OR2K2: variants seen among roughly 807,000 people sequenced by gnomAD.
OR2K2 encodes the protein olfactory receptor 2K2.
Under a neutral mutation model 11.1 loss-of-function variants are expected in OR2K2, and 7 were observed. The ratio of observed to expected loss-of-function variants is 0.63; its 90% CI spans 0.36 to 1.19. OR2K2 has a LOEUF of 1.19. Ranked by LOEUF, OR2K2 falls within the 50% of genes most tolerant of loss-of-function variation. The pLI, the probability that OR2K2 is intolerant of heterozygous loss-of-function variation, is 0.02. For synonymous variants in OR2K2, 152 were observed against 150.8 expected (o/e 1.01, Z -0.06); for missense variants, 391 against 383.4 (o/e 1.02, Z -0.17).
rs187513249 is a variant in OR2K2, at chr9:111,327,807, T to G, written c.627A>C (p.Pro209=). 9.5e-5 allele frequency: 153 copies of G among 1,614,122 alleles called. No individual in the cohort carries two copies. In the East Asian group the frequency reaches 1.1e-3, roughly 12 times the overall value. ...LVVSILLLPI[P]MLLVCISYIF... is the part of the protein sequence containing the mutation. ...TGTAAGAGATGCAAACTAAGAGCAT[T>G]GGAATTGGCAAGAGGAGAATGCTGA... is the stretch of plus-strand genomic sequence containing the variant. The change falls in exon 2 of 2, where the codon CCA becomes CCC. Residue 209 remains proline, a synonymous_variant. Transcript: ENST00000302681.
In OR2K2 at chr9:111,327,764, T is replaced by C. The variant is rs2098101653; in HGVS notation, c.670A>G (p.Ile224Val). 3 of 1,614,090 alleles carry C rather than the reference T, an allele frequency of 1.9e-6. No homozygotes were observed. The highest frequency in any genetic ancestry group is 2.5e-6 in the Non-Finnish European group (3 of 1,180,012). The change falls in exon 2 of 2, where the codon ATT becomes GTT. Residue 224 changes from isoleucine to valine, a missense_variant. Physicochemically the swap from Ile to Val is conservative, Grantham distance 29 (BLOSUM62 3). Transcript: ENST00000302681. ...CISYIFILST[I>V]LRITSAEGRN... ...CCCTCTGCTGAGGTGATTCTCAGAA[T>C]AGTGGAAAGGATGAAGATGTAAGAG...
At position 111,327,449 on chromosome 9, in the gene OR2K2, G is replaced by A; in HGVS notation, c.*34C>T. 7.1e-7 allele frequency: 1 copy of A among 1,405,726 alleles called. No homozygotes were observed. The highest frequency in any genetic ancestry group is 9.8e-7 in the Non-Finnish European group (1 of 1,020,106). The allele number at this position is 1,405,726 out of a possible 1,614,324, so 87.1% of individuals were successfully genotyped here. A position where few individuals can be genotyped will look rare whatever the true frequency, so the allele number is the denominator to read the frequency against. On this transcript the variant is annotated 3_prime_UTR_variant, in exon 2 of 2. Transcript: ENST00000302681. ...CGAATTTCTCTGATGAGCTCTGCCA[G>A]GGGCACATCTCTGGTAAAACCATAG...
intron 1 of OR2K2, among the ~76,000 whole-genome samples, 199 bp downstream of exon 1, chr9:111,329,907 C>T (rs538503715): frequency 6.6e-6 from 1 of 152,216 alleles, no homozygotes; most frequent in African/African-American, 2.4e-5. Context: ...TGAGTCTTTC[C>T]TATTTTCATA....
At position 111,327,577 on chromosome 9, in the gene OR2K2, G is replaced by T. The variant is rs1359498461; in HGVS notation, c.857C>A (p.Pro286His). 1 of 1,613,252 alleles carries T rather than the reference G, an allele frequency of 6.2e-7. No homozygotes were observed. Among genetic ancestry groups the T allele is most frequent in the East Asian group, 2.2e-5 (1 of 44,890 alleles). Reference protein sequence around the residue: ...LYGVLTPMLNPIIYSLRNKEV... With the variant: ...LYGVLTPMLNHIIYSLRNKEV... ...CTTGTTTCTTAAACTGTAAATTATG[G>T]GGTTCAACATAGGGGTAAGCACTCC... Residue 286 changes from proline (P) to histidine (H), a missense_variant, in exon 2 of 2, where the codon CCC becomes CAC. Coordinates refer to ENST00000302681, the MANE Select transcript of OR2K2 (RefSeq NM_205859.2).
chr9:111,328,472 C>G lies in OR2K2; in HGVS notation c.-39G>C, dbSNP rs1481821445. 7.5e-7 allele frequency: 1 copy of G among 1,326,796 alleles called. No individual in the cohort carries two copies. The highest frequency in any genetic ancestry group is 1.2e-5 in the South Asian group (1 of 82,586). The allele number at this position is 1,326,796 out of a possible 1,614,324, so 82.2% of individuals were successfully genotyped here. ...TCTATATTTCTTCCAGTACTATTCCCTTCATTTAATCTGAGGACATAAAGA... is the reference window on the plus strand; with the variant it reads ...TCTATATTTCTTCCAGTACTATTCCGTTCATTTAATCTGAGGACATAAAGA... On this transcript the variant is annotated 5_prime_UTR_variant, in exon 2 of 2. Coordinates refer to ENST00000302681, the MANE Select transcript of OR2K2 (RefSeq NM_205859.2).
Position 111,328,145 on chromosome 9 carries a change from A to G in OR2K2, c.289T>C (p.Cys97Arg), listed in dbSNP as rs779166295. ...AGGGACAGATACATCTGTACAGCACACCCAGAAAAGATAATGGTTTTCTGG... is the reference window on the plus strand; with the variant it reads ...AGGGACAGATACATCTGTACAGCACGCCCAGAAAAGATAATGGTTTTCTGG... Reference protein sequence around the residue: ...SSQKTIIFSGCAVQMYLSLAM... With the variant: ...SSQKTIIFSGRAVQMYLSLAM... The change falls in exon 2 of 2, where the codon TGT (cysteine) becomes CGT (arginine). Residue 97 changes from cysteine to arginine, a missense_variant. Physicochemically the swap from Cys to Arg is radical, Grantham distance 180. Transcript: ENST00000302681. The G allele has an allele frequency of 6.2e-7, 1 of 1,614,212 alleles. No homozygotes were observed. The highest frequency in any genetic ancestry group is 2.2e-5 in the East Asian group (1 of 44,880).
rs771480426 is a variant in OR2K2 at position 111,328,319 on chromosome 9, G to C, written c.115C>G (p.Leu39Val). 4.3e-6 allele frequency: 7 copies of C among 1,613,996 alleles called. 1 individual carries two copies. The South Asian group carries it at 6.6e-5, about 15-fold the overall frequency. The change falls in exon 2 of 2, where the codon CTC becomes GTC. Residue 39 changes from leucine (L) to valine (V), a missense_variant. Transcript: ENST00000302681. ...VFSLVMYLTT[L>V]LGNSTLILIT... Reference sequence around the variant, plus strand: ...AAAATAAGAGTGCTGTTGCCCAAGAGCGTTGTCAGATACATTACAAGGCTG... The same window carrying C: ...AAAATAAGAGTGCTGTTGCCCAAGACCGTTGTCAGATACATTACAAGGCTG...
chr9:111,327,325 CTAT>C lies in OR2K2; in HGVS notation c.*155_*157del, dbSNP rs1311978095. Among the ~76,000 whole-genome samples the C allele has an allele frequency of 1.3e-5, 2 of 152,146 alleles. No homozygotes were observed. Among genetic ancestry groups the C allele is most frequent in the African/African-American group, 4.8e-5 (2 of 41,424 alleles). ...ATTAACAAATGCAAATTGAAACCTACTATTATTAATAGGCAATCACTCTGTGTA... is the reference window on the plus strand; with the variant it reads ...ATTAACAAATGCAAATTGAAACCTACTATTAATAGGCAATCACTCTGTGTA... On this transcript the variant is annotated 3_prime_UTR_variant, in exon 2 of 2. Coordinates refer to ENST00000302681, the MANE Select transcript of OR2K2 (RefSeq NM_205859.2).
Position 111,328,017 on chromosome 9 carries a change from G to A in OR2K2, c.417C>T (p.Cys139=), listed in dbSNP as rs761006486. Residue 139 remains cysteine, a synonymous_variant, in exon 2 of 2, where the codon TGC becomes TGT. Coordinates refer to ENST00000302681, the MANE Select transcript of OR2K2 (RefSeq NM_205859.2). Reference sequence around the variant, plus strand: ...AGACCGTAGCCATCCGTGCACAGACGCACCTGTTCATGATGATGGAGTATC... The same window carrying A: ...AGACCGTAGCCATCCGTGCACAGACACACCTGTTCATGATGATGGAGTATC... ...PLRYSIIMNR[C]VCARMATVSW... The A allele has an allele frequency of 1.4e-5, 22 of 1,614,034 alleles. No homozygotes were observed. Among genetic ancestry groups the A allele is most frequent in the Non-Finnish European group, 1.8e-5 (21 of 1,180,044 alleles).
Position 111,327,914 on chromosome 9 carries a change from C to T in OR2K2, c.520G>A (p.Asp174Asn), listed in dbSNP as rs746752901. Residue 174 changes from aspartate (D) to asparagine (N), a missense_variant, in exon 2 of 2, where the codon GAT (aspartate) becomes AAT (asparagine). Asp to Asn is a conservative substitution (Grantham distance 23, BLOSUM62 1). Transcript: ENST00000302681. ...GCCAGAATTTCACACGTGAAGTGAT[C>T]GATGAGATTCCCACAGAGGGGTATC... The part of the protein sequence containing the change: ...LQIPLCGNLI[D>N]HFTCEILAVL... 9 of 1,614,158 alleles carry T rather than the reference C, an allele frequency of 5.6e-6. No homozygotes were observed. Among genetic ancestry groups the T allele is most frequent in the East Asian group, 2.2e-5 (1 of 44,880 alleles).
At chr9:111,329,396 T>C (rs2098102230) in intron 1 of OR2K2, among the ~76,000 whole-genome samples, 1 of 152,146 alleles carries the variant, frequency 6.6e-6, no homozygotes, top group Admixed American at 6.5e-5. Context: ...TTAATACTAA[T>C]ACGTTTAATA....
intron 1 of OR2K2, 117 bp from the exon 2 acceptor site, chr9:111,328,599 T>C (rs2098101980): frequency 4.9e-6 from 3 of 612,692 alleles, no homozygotes; most frequent in Admixed American, 3.0e-5. Context: ...GGATAGTGTG[T>C]TTATTGATGT....
intron 1 of OR2K2, among the ~76,000 whole-genome samples, chr9:111,328,827 G>C (rs1031459897): frequency 1.3e-5 from 2 of 152,142 alleles, no homozygotes; most frequent in Non-Finnish European, 2.9e-5. Flanking sequence ...AATCAGAAAA[G>C]TAATCCAGAT....
chr9:111,327,658 A>G lies in OR2K2; in HGVS notation c.776T>C (p.Leu259Pro). ...TTGTGCATTTGATGAAGAAGGCTTT[A>G]GGTACATAGAGAGGGCAGCCCCATA... ...LYYGAALSMY[L>P]KPSSSNAQKI... Residue 259 changes from leucine to proline, a missense_variant, in exon 2 of 2, where the codon CTA becomes CCA. Coordinates refer to ENST00000302681, the MANE Select transcript of OR2K2 (RefSeq NM_205859.2). 2 of 1,614,196 alleles carry G rather than the reference A, an allele frequency of 1.2e-6. No individual in the cohort carries two copies. The highest frequency in any genetic ancestry group is 1.7e-4 in the Middle Eastern group (1 of 6,060).
chr9:111,327,815 G>A lies in OR2K2; in HGVS notation c.619C>T (p.Pro207Ser), dbSNP rs748787112. 1.2e-6 allele frequency: 2 copies of A among 1,614,152 alleles called. No individual in the cohort carries two copies. The highest frequency in any genetic ancestry group is 2.2e-5 in the East Asian group (1 of 44,878). The change falls in exon 2 of 2, where the codon CCA (proline) becomes TCA (serine). Residue 207 changes from proline to serine, a missense_variant. Physicochemically the swap from Pro to Ser is moderately conservative, Grantham distance 74 (BLOSUM62 -1). Coordinates refer to ENST00000302681, the MANE Select transcript of OR2K2 (RefSeq NM_205859.2). ...IMLVVSILLLPIPMLLVCISY... is the reference protein window; with the variant it reads ...IMLVVSILLLSIPMLLVCISY... The stretch of plus-strand genomic sequence containing the variant: ...ATGCAAACTAAGAGCATTGGAATTG[G>A]CAAGAGGAGAATGCTGACCACCAGC...
Position 111,328,418 on chromosome 9 carries a change from A to T in OR2K2, c.16T>A (p.Phe6Ile). The T allele has an allele frequency of 3.1e-6, 5 of 1,607,274 alleles. No individual in the cohort carries two copies. Among genetic ancestry groups the T allele is most frequent in the Middle Eastern group, 1.7e-4 (1 of 6,058 alleles). MQGEN[F>I]TIWSIFFLEG... is the part of the protein sequence containing the mutation. ...AAGAAAAAAATGCTCCAAATGGTGA[A>T]GTTTTCTCCTTGCATTTTCTTTCTT... Residue 6 changes from phenylalanine (F) to isoleucine (I), a missense_variant, in exon 2 of 2, where the codon TTC (phenylalanine) becomes ATC (isoleucine). Phe to Ile is a conservative substitution (Grantham distance 21). Coordinates refer to ENST00000302681, the MANE Select transcript of OR2K2 (RefSeq NM_205859.2).
chr9:111,328,603 T>C (rs1306968028), intron 1 of OR2K2, 121 bp from the exon 2 acceptor site: 6 of 611,174 alleles, frequency 9.8e-6, no homozygotes, highest in South Asian at 6.1e-5. Flanking sequence ...AGTGTGTTTA[T>C]TGATGTAAGG....
intron 1 of OR2K2, 108 bp from the exon 2 acceptor site, chr9:111,328,590 G>C: frequency 1.6e-6 from 1 of 624,376 alleles, no homozygotes; most frequent in Non-Finnish European, 2.8e-6. Flanking sequence ...GAAATCACAG[G>C]ATAGTGTGTT....
In OR2K2 at chr9:111,328,111, C is replaced by T. The variant is rs777077905; in HGVS notation, c.323G>A (p.Gly108Asp). ...AVQMYLSLAM[G>D]STECVLLAVM... ...GGCCAGGAGCACACACTCTGTGGAG[C>T]CCATGGCAAGGGACAGATACATCTG... Residue 108 changes from glycine to aspartate, a missense_variant, in exon 2 of 2, where the codon GGC becomes GAC. By Grantham distance (94) the Gly-to-Asp change is moderately conservative. Transcript: ENST00000302681. 1 of 1,614,166 alleles carries T rather than the reference C, an allele frequency of 6.2e-7. No individual in the cohort carries two copies. The highest frequency in any genetic ancestry group is 1.7e-5 in the Admixed American group (1 of 60,022).
Sources: allele counts gnomAD v4.1 joint callset (sites outside exome capture counted in the v4.1 genomes callset), GRCh38; gene constraint gnomAD v4.1.1; transcripts MANE v1.5; gene names NCBI Gene and HGNC (gene_info 2026-07-23, HGNC 2026-07-21).